Variants in PCDHA12 observed in about 807,000 individuals in gnomAD.
PCDHA12 encodes the protein protocadherin alpha-12.
PCDHA12 carries 44 observed loss-of-function variants against 60.0 expected under a neutral mutation model. That is an observed-to-expected ratio of 0.73 (90% CI 0.58 to 0.94). The LOEUF (loss-of-function observed/expected upper bound fraction) is 0.94, where lower values mean the gene tolerates loss of function less well. Ranked by LOEUF, PCDHA12 falls within the 40% of genes least tolerant of loss-of-function variation. The pLI is 0.00. For missense variants in PCDHA12, 1,276 were observed against 1,239.7 expected, an observed-to-expected ratio of 1.03 and a Z score of -0.44; for synonymous variants, 569 against 553.0, an observed-to-expected ratio of 1.03 and a Z score of -0.40.
chr5:140,928,892 T>C, intron 1 of PCDHA12: 1 of 1,614,198 alleles, frequency 6.2e-7, no homozygotes, highest in Non-Finnish European at 8.5e-7. Flanking sequence ...CTTCCAGACT[T>C]TGAAGATGTC....
chr5:140,889,923 C>T (rs1225073810), intron 1 of PCDHA12, among the ~76,000 whole-genome samples: 1 of 152,184 alleles, frequency 6.6e-6, no homozygotes, highest in African/African-American at 2.4e-5. Flanking sequence ...TGTAAAGAAG[C>T]TCAAGCTGGA....
At chr5:140,966,709 G>A (rs1447935100) in intron 1 of PCDHA12, 4 of 1,387,174 alleles carry the variant, frequency 2.9e-6, no homozygotes, top group Non-Finnish European at 2.8e-6. Flanking sequence ...CGTGGGGCAC[G>A]GCTGGGGAAG....
chr5:140,890,621 A>G (rs1209531386), intron 1 of PCDHA12, among the ~76,000 whole-genome samples: 1 of 152,174 alleles, frequency 6.6e-6, no homozygotes, highest in Non-Finnish European at 1.5e-5. Context: ...TACCCTAGAA[A>G]ATTAAGCATG....
chr5:140,933,739 G>A (rs531821370), intron 1 of PCDHA12, among the ~76,000 whole-genome samples: 18 of 151,856 alleles, frequency 1.2e-4, no homozygotes, highest in Admixed American at 3.9e-4. Flanking sequence ...TTAAATATTT[G>A]GTAGAATTCA....
intron 1 of PCDHA12, chr5:140,969,445 A>G (rs2096331821): frequency 1.9e-6 from 3 of 1,542,150 alleles, no homozygotes; most frequent in Non-Finnish European, 2.6e-6. Context: ...TATCTGGTAA[A>G]CTGAGTATAT....
intron 1 of PCDHA12, among the ~76,000 whole-genome samples, chr5:140,922,508 C>A (rs2080871857): frequency 6.6e-6 from 1 of 152,090 alleles, no homozygotes; most frequent in African/African-American, 2.4e-5. Flanking sequence ...GCAGATGCAC[C>A]ATTATTTCAA....
In PCDHA12 at chr5:140,877,160, C is replaced by A. The variant is rs782531082; in HGVS notation, c.1688C>A (p.Pro563Gln). 4 of 1,613,814 alleles carry A rather than the reference C, an allele frequency of 2.5e-6. No individual in the cohort carries two copies. Among genetic ancestry groups the A allele is most frequent in the African/African-American group, 2.7e-5 (2 of 75,052 alleles). The change falls in exon 1 of 4, where the codon CCG becomes CAG. Residue 563 changes from proline (P) to glutamine (Q), a missense_variant. By Grantham distance (76) the Pro-to-Gln change is moderately conservative. Transcript: ENST00000398631. ...GTGCTGGACGAGAACGACAACGCGC[C>A]GGCACTGCTGGCGACTCCGGCTGGC... ...VFVLDENDNA[P>Q]ALLATPAGSA...
At chr5:140,890,961 TTTTG>T (rs1239214366) in intron 1 of PCDHA12, among the ~76,000 whole-genome samples, 3 of 152,172 alleles carry the variant, frequency 2.0e-5, no homozygotes, top group African/African-American at 7.2e-5. Flanking sequence ...TGATTTCAGG[TTTTG>T]TTTTTCTGAA....
At chr5:141,007,535 T>C (rs1588169762) in intron 3 of PCDHA12, among the ~76,000 whole-genome samples, 1 of 152,050 alleles carries the variant, frequency 6.6e-6, no homozygotes, top group South Asian at 2.1e-4. Context: ...GCCACTGCAC[T>C]CCAGCTTGGG....
At chr5:140,884,066 G>A in intron 1 of PCDHA12, 1 of 1,613,512 alleles carries the variant, frequency 6.2e-7, no homozygotes, top group South Asian at 1.1e-5. Flanking sequence ...GGTGGACGCC[G>A]ATTCGGGCTA....
At chr5:140,931,970 G>A (rs2087909153) in intron 1 of PCDHA12, among the ~76,000 whole-genome samples, 1 of 151,866 alleles carries the variant, frequency 6.6e-6, no homozygotes, top group Non-Finnish European at 1.5e-5. Flanking sequence ...TGATGCATAT[G>A]TGTTTATATT....
At chr5:140,942,351 G>GCAGTTAA (rs1563195355) in intron 1 of PCDHA12, among the ~76,000 whole-genome samples, 1 of 152,024 alleles carries the variant, frequency 6.6e-6, no homozygotes. Context: ...GGCGGAGGTT[G>GCAGTTAA]CAGTTAACGG....
intron 1 of PCDHA12, among the ~76,000 whole-genome samples, chr5:140,886,732 A>C (rs1457707116): frequency 3.9e-5 from 6 of 151,952 alleles, no homozygotes; most frequent in Non-Finnish European, 8.8e-5. Flanking sequence ...AGGCTGAAGC[A>C]AGAGAATTGC....
chr5:140,978,778 T>C, intron 1 of PCDHA12, 171 bp from the exon 2 acceptor site: 1 of 968,888 alleles, frequency 1.0e-6, no homozygotes, highest in Non-Finnish European at 1.2e-6. Context: ...CTAATTTTCT[T>C]CTAAAGTGCT....
At chr5:140,897,504 C>T (rs1253239827) in intron 1 of PCDHA12, among the ~76,000 whole-genome samples, 1 of 152,092 alleles carries the variant, frequency 6.6e-6, no homozygotes, top group Non-Finnish European at 1.5e-5. Context: ...CATGTCCCTA[C>T]AAAGGACATG....
intron 1 of PCDHA12, among the ~76,000 whole-genome samples, chr5:140,889,975 T>A (rs2062445806): frequency 6.6e-6 from 1 of 152,182 alleles, no homozygotes; most frequent in African/African-American, 2.4e-5. Flanking sequence ...CTATCCAGTC[T>A]CCAGTTGTCT....
Position 141,010,190 on chromosome 5 carries a change from C to G in PCDHA12, c.*253C>G. On this transcript the variant is annotated 3_prime_UTR_variant, in exon 4 of 4. Transcript: ENST00000398631. ...GAACCTAAAAAGCAGACCCAAGTTT[C>G]CTTTCTCCTCCGCCGCAAAGGAGAG... 1 of 1,552,504 alleles carries G rather than the reference C, an allele frequency of 6.4e-7. No individual in the cohort carries two copies. Among genetic ancestry groups the G allele is most frequent in the East Asian group, 2.4e-5 (1 of 40,930 alleles).
intron 1 of PCDHA12, chr5:140,968,051 C>T (rs1353005851): frequency 1.2e-6 from 2 of 1,614,018 alleles, no homozygotes; most frequent in African/African-American, 1.3e-5. Flanking sequence ...CCCACTGGAC[C>T]GAGAGCGGGT....
At chr5:140,898,211 A>G (rs1554187859) in intron 1 of PCDHA12, among the ~76,000 whole-genome samples, 2 of 152,100 alleles carry the variant, frequency 1.3e-5, no homozygotes, top group African/African-American at 4.8e-5. Context: ...CCATTTGTCA[A>G]TTTTGGCTTT....
Sources: allele counts gnomAD v4.1 joint callset (sites outside exome capture counted in the v4.1 genomes callset), GRCh38; gene constraint gnomAD v4.1.1; transcripts MANE v1.5; gene names NCBI Gene and HGNC (gene_info 2026-07-23, HGNC 2026-07-21).